The following MPRIP variants were observed in gnomAD, a reference collection of about 807,000 sequenced individuals.
MPRIP encodes myosin phosphatase Rho-interacting protein.
Under a neutral mutation model 234.9 loss-of-function variants are expected in MPRIP, and 59 were observed. The ratio of observed to expected loss-of-function variants is 0.25; its 90% CI spans 0.20 to 0.31. The LOEUF is 0.31. Ranked by LOEUF, MPRIP falls within the 10% of genes least tolerant of loss-of-function variation. The pLI is 1.00. For synonymous variants in MPRIP, 1,144 were observed against 1,263.9 expected (o/e 0.91, Z 2.01); for missense variants, 2,436 against 3,071.0 (o/e 0.79, Z 4.89).
At chr17:17,157,001 G>C (rs2045744406) in intron 13 of MPRIP, among the ~76,000 whole-genome samples, 1 of 152,166 alleles carries the variant, frequency 6.6e-6, no homozygotes, top group African/African-American at 2.4e-5. Context: ...GCTCCCTGGA[G>C]CTCCTCCTTG....
chr17:17,147,313 C>T lies in MPRIP; in HGVS notation c.1561-6C>T, dbSNP rs557885347. The stretch of plus-strand genomic sequence containing the variant: ...GTCGAGTCATTTTTCTTTTCTTCCC[C>T]TTTAGTGGAAGAAACACTGGTTTGT... On this transcript the variant is annotated splice_polypyrimidine_tract_variant and splice_region_variant and intron_variant, in intron 10 of 23. Coordinates refer to ENST00000651222, the MANE Select transcript of MPRIP (RefSeq NM_001364716.4). The T allele has an allele frequency of 2.9e-5, 47 of 1,613,942 alleles. No homozygotes were observed. In the African/African-American group the frequency reaches 5.2e-4, roughly 18 times the overall value.
At chr17:17,077,590 G>A in intron 2 of MPRIP, 1 of 158,514 alleles carries the variant, frequency 6.3e-6, no homozygotes, top group East Asian at 1.8e-4. Flanking sequence ...TTCAGAAGTG[G>A]TGAATCCATG....
intron 1 of MPRIP, among the ~76,000 whole-genome samples, chr17:17,044,447 T>A (rs2088281191): frequency 6.6e-6 from 1 of 152,218 alleles, no homozygotes; most frequent in Non-Finnish European, 1.5e-5. Flanking sequence ...TTAATTTCCT[T>A]ATCTGTAAAT....
intron 15 of MPRIP, among the ~76,000 whole-genome samples, chr17:17,162,752 C>T (rs1226044231): frequency 1.3e-5 from 2 of 152,194 alleles, no homozygotes; most frequent in African/African-American, 2.4e-5. Context: ...CAAAACTGAA[C>T]GCTGACATTA....
In MPRIP at chr17:17,173,999, C is replaced by T; in HGVS notation, c.6674C>T (p.Ala2225Val). ...SQKCLENAHL[A>V]QALEAERQAL... ...AAGTGCCTGGAGAATGCCCATCTGGCCCAGGCGCTGGAGGCCGAGCGGCAG... is the reference window on the plus strand; with the variant it reads ...AAGTGCCTGGAGAATGCCCATCTGGTCCAGGCGCTGGAGGCCGAGCGGCAG... Residue 2225 changes from alanine to valine, a missense_variant, in exon 19 of 24, where the codon GCC (alanine) becomes GTC (valine). Physicochemically the swap from Ala to Val is moderately conservative, Grantham distance 64 (BLOSUM62 0). Transcript: ENST00000651222. 1 of 1,613,720 alleles carries T rather than the reference C, an allele frequency of 6.2e-7. No individual in the cohort carries two copies.
chr17:17,079,387 G>A (rs951483975), intron 3 of MPRIP, among the ~76,000 whole-genome samples: 6 of 152,202 alleles, frequency 3.9e-5, no homozygotes, highest in Admixed American at 3.9e-4. Flanking sequence ...CACCGATTGT[G>A]GACTTGGCTG....
Position 17,138,233 on chromosome 17 carries a change from C to T in MPRIP, c.1054C>T (p.Arg352Trp), listed in dbSNP as rs2144480685. 11 of 637,122 alleles carry T rather than the reference C, an allele frequency of 1.7e-5. No individual in the cohort carries two copies. Among genetic ancestry groups the T allele is most frequent in the South Asian group, 9.6e-5 (4 of 41,728 alleles). 39.5% of individuals were successfully genotyped at this position (637,122 alleles called of 1,614,324 possible). A position where few individuals can be genotyped will look rare whatever the true frequency, so the allele number is the denominator to read the frequency against. The stretch of plus-strand genomic sequence containing the variant: ...CGTGGACTCTGGCAGCACTAGGGGG[C>T]GGGGGACAGAGAGACTGGGGAGCGC... ...AYVDSGSTRGRGTERLGSAFA... is the reference protein window; with the variant it reads ...AYVDSGSTRGWGTERLGSAFA... Residue 352 changes from arginine to tryptophan, a missense_variant, in exon 7 of 24, where the codon CGG becomes TGG. Physicochemically the swap from Arg to Trp is moderately radical, Grantham distance 101. Coordinates refer to ENST00000651222, the MANE Select transcript of MPRIP (RefSeq NM_001364716.4). This position sits in a 1 kb window ranked among gnomAD's most constrained non-coding sequence, Gnocchi z 5.8.
Position 17,168,033 on chromosome 17 carries a change from A to G in MPRIP, c.6324+118A>G, listed in dbSNP as rs1047189837. 5 of 831,644 alleles carry G rather than the reference A, an allele frequency of 6.0e-6. No homozygotes were observed. The African/African-American group carries it at 7.2e-5, about 12-fold the overall frequency. 51.5% of individuals were successfully genotyped at this position (831,644 alleles called of 1,614,324 possible). A position where few individuals can be genotyped will look rare whatever the true frequency, so the allele number is the denominator to read the frequency against. On this transcript the variant is annotated intron_variant, in intron 16 of 23. Coordinates refer to ENST00000651222, the MANE Select transcript of MPRIP (RefSeq NM_001364716.4). ...TGAGGGGATATGCTGCTGTCCCTCT[A>G]CTTGCTAGCCATGGTGTGGTCTCAG...
chr17:17,181,576 GT>G (rs1390072135), intron 23 of MPRIP: 1 of 152,184 alleles, frequency 6.6e-6, no homozygotes, highest in African/African-American at 2.4e-5. Context: ...TAAACATAAC[GT>G]TTTGTTTAGC....
At chr17:17,133,437 C>T (rs1167178399) in intron 5 of MPRIP, among the ~76,000 whole-genome samples, 1 of 152,156 alleles carries the variant, frequency 6.6e-6, no homozygotes, top group Admixed American at 6.5e-5. Context: ...GGTCAGGCCT[C>T]CCCTCTGCAT....
At position 17,186,094 on chromosome 17, in the gene MPRIP, A is replaced by G. The variant is rs1009886433; in HGVS notation, c.*1200A>G. ...TGGAGTCTATTATGGCCCCATGAAA[A>G]CCATTAATCCCATTAAGATAGGGAG... On this transcript the variant is annotated 3_prime_UTR_variant, in exon 24 of 24. Transcript: ENST00000651222. 3 of 153,380 alleles carry G rather than the reference A, an allele frequency of 2.0e-5. No homozygotes were observed. Among genetic ancestry groups the G allele is most frequent in the African/African-American group, 7.2e-5 (3 of 41,432 alleles). The allele number at this position is 153,380 out of a possible 1,614,324, so 9.5% of individuals were successfully genotyped here.
chr17:17,042,762 G>GGCC lies in MPRIP; in HGVS notation c.-84_-82dup. ...GCGGGGCCGGCGAGGGATGCGGCGCGGCCGCGCTGAGCCCCTAGCCCGCCG... is the reference window on the plus strand; with the variant it reads ...GCGGGGCCGGCGAGGGATGCGGCGCGGCCGCCGCGCTGAGCCCCTAGCCCGCCG... On this transcript the variant is annotated 5_prime_UTR_variant, in exon 1 of 24. Coordinates refer to ENST00000651222, the MANE Select transcript of MPRIP (RefSeq NM_001364716.4). The GGCC allele has an allele frequency of 1.0e-6, 1 of 966,762 alleles. No individual in the cohort carries two copies. The highest frequency in any genetic ancestry group is 4.7e-5 in the South Asian group (1 of 21,378). The allele number at this position is 966,762 out of a possible 1,614,324, so 59.9% of individuals were successfully genotyped here. A position where few individuals can be genotyped will look rare whatever the true frequency, so the allele number is the denominator to read the frequency against.
Position 17,126,822 on chromosome 17 carries a change from A to G in MPRIP, c.388A>G (p.Ile130Val). 1 of 1,614,166 alleles carries G rather than the reference A, an allele frequency of 6.2e-7. No homozygotes were observed. Among genetic ancestry groups the G allele is most frequent in the Non-Finnish European group, 8.5e-7 (1 of 1,179,986 alleles). The change falls in exon 4 of 24, where the codon ATC becomes GTC. Residue 130 changes from isoleucine (I) to valine (V), a missense_variant. Coordinates refer to ENST00000651222, the MANE Select transcript of MPRIP (RefSeq NM_001364716.4). Reference sequence around the variant, plus strand: ...TCTGACGCCTGAGAAGGAGCATTTCATCCGGGCGGAGACCAAGGAGATCGT... The same window carrying G: ...TCTGACGCCTGAGAAGGAGCATTTCGTCCGGGCGGAGACCAAGGAGATCGT... ...CILTPEKEHF[I>V]RAETKEIVSG...
Position 17,166,523 on chromosome 17 carries a change from C to T in MPRIP, c.4932C>T (p.Val1644=), listed in dbSNP as rs925546411. Residue 1644 remains valine, a synonymous_variant, in exon 16 of 24, where the codon GTC becomes GTT. Transcript: ENST00000651222. This position sits in a 1 kb window ranked among gnomAD's most constrained non-coding sequence, Gnocchi z 4.4. ...TGGGGACACTGGGAGGAGAGGCAGT[C>T]GGTGCCTCAGGAGACGGGCAGCAAA... ...KHLGTLGGEA[V]GASGDGQQSI... is the part of the protein sequence containing the mutation. 2.0e-5 allele frequency: 26 copies of T among 1,304,210 alleles called. No individual in the cohort carries two copies. The highest frequency in any genetic ancestry group is 5.6e-5 in the East Asian group (1 of 18,012). 80.8% of individuals were successfully genotyped at this position (1,304,210 alleles called of 1,614,324 possible).
chr17:17,154,949 C>G (rs2045694472), intron 13 of MPRIP, among the ~76,000 whole-genome samples: 1 of 152,202 alleles, frequency 6.6e-6, no homozygotes. Flanking sequence ...TCCTCCTGCC[C>G]TGAAGGTTAA....
chr17:17,142,367 G>A (rs1245615426), intron 7 of MPRIP: 2 of 392,468 alleles, frequency 5.1e-6, no homozygotes, highest in African/African-American at 4.0e-5. Context: ...TGAATGCCGA[G>A]TGGGTCAGCA....
At chr17:17,082,327 C>T (rs1329828802) in intron 3 of MPRIP, among the ~76,000 whole-genome samples, 6 of 109,504 alleles carry the variant, frequency 5.5e-5, no homozygotes, top group African/African-American at 7.6e-5. Flanking sequence ...CGGAGTTTCG[C>T]TCTTGTTGCC....
At chr17:17,159,348 T>C (rs1227963668) in intron 14 of MPRIP, among the ~76,000 whole-genome samples, 5 of 152,216 alleles carry the variant, frequency 3.3e-5, no homozygotes, top group African/African-American at 1.2e-4. Context: ...AGGGCAAGGC[T>C]TTTGCATTAC....
intron 2 of MPRIP, 135 bp from the exon 3 acceptor site, chr17:17,077,876 C>A: frequency 1.2e-6 from 1 of 829,786 alleles, no homozygotes; most frequent in Non-Finnish European, 2.0e-6. Context: ...TCTTTTCCTG[C>A]CACCTGCCCC....
Sources: allele counts gnomAD v4.1 joint callset (sites outside exome capture counted in the v4.1 genomes callset), GRCh38; gene constraint gnomAD v4.1.1; non-coding constraint Gnocchi (gnomAD v3.1); transcripts MANE v1.5; gene names NCBI Gene and HGNC (gene_info 2026-07-23, HGNC 2026-07-21).